Variants in CDH18 observed in about 807,000 individuals in gnomAD.
CDH18 encodes cadherin 18.
A neutral mutation model predicts 67.9 loss-of-function variants in CDH18; 31 were observed. The ratio of observed to expected loss-of-function variants is 0.46; its 90% CI spans 0.34 to 0.62. CDH18 has a LOEUF of 0.62. CDH18 is among the 20% of genes least tolerant of loss of function. The pLI is 0.01. For missense variants in CDH18, 890 were observed against 975.5 expected, an observed-to-expected ratio of 0.91 and a Z score of 1.17; for synonymous variants, 362 against 347.2, an observed-to-expected ratio of 1.04 and a Z score of -0.48.
chr5:20,175,538 G>T (rs1737166483), intron 2 of CDH18, among the ~76,000 whole-genome samples: 1 of 152,026 alleles, frequency 6.6e-6, no homozygotes, highest in Admixed American at 6.6e-5. Context: ...TAGTAGCATT[G>T]CCAGTCTTTT....
rs1486822281 is a variant in CDH18 at position 20,094,161 on chromosome 5, G to A, written c.-517-102147C>T. Among the ~76,000 whole-genome samples, 3 of 152,162 alleles carry A rather than the reference G, an allele frequency of 2.0e-5. No homozygotes were observed. The South Asian group carries it at 6.2e-4, about 32-fold the overall frequency. On this transcript the variant is annotated intron_variant, in intron 2 of 14. Coordinates refer to the CDH18 transcript ENST00000507958. ...TAAGTATCATCACAATAGCAACCTA[G>A]TCTGGAATAAACTAAATCAGTTTCA... is the stretch of plus-strand genomic sequence containing the variant.
At chr5:20,199,899 T>A (rs1739309748) in intron 2 of CDH18, among the ~76,000 whole-genome samples, 1 of 152,150 alleles carries the variant, frequency 6.6e-6, no homozygotes, top group African/African-American at 2.4e-5. Flanking sequence ...TCCTGCTACC[T>A]TGTGATGAAG....
intron 2 of CDH18, among the ~76,000 whole-genome samples, chr5:19,874,019 C>T (rs1786650817): frequency 6.6e-6 from 1 of 152,116 alleles, no homozygotes. Flanking sequence ...CATGTTGCAA[C>T]ACATAATTTG....
At chr5:20,346,388 C>A (rs572772372) in intron 1 of CDH18, among the ~76,000 whole-genome samples, 1 of 152,198 alleles carries the variant, frequency 6.6e-6, no homozygotes, top group South Asian at 2.1e-4. Flanking sequence ...ATTGTTGGTG[C>A]CTTAACAAAC....
chr5:19,833,814 G>C (rs1486601065), intron 3 of CDH18, among the ~76,000 whole-genome samples: 1 of 152,114 alleles, frequency 6.6e-6, no homozygotes, highest in Non-Finnish European at 1.5e-5. Context: ...TTTATGTGAT[G>C]GATTACATTT....
intron 1 of CDH18, among the ~76,000 whole-genome samples, chr5:20,368,570 T>C (rs1004319133): frequency 6.6e-6 from 1 of 152,200 alleles, no homozygotes. Flanking sequence ...TTTATTTTAA[T>C]GTGGCAGTTC....
At chr5:19,626,743 C>G (rs923980455) in intron 5 of CDH18, among the ~76,000 whole-genome samples, 14 of 151,424 alleles carry the variant, frequency 9.2e-5, no homozygotes, top group Admixed American at 7.2e-4. Context: ...CCATATATAG[C>G]AGATTAGTTG....
intron 2 of CDH18, among the ~76,000 whole-genome samples, chr5:20,114,651 A>G (rs893582437): frequency 6.6e-6 from 1 of 152,140 alleles, no homozygotes; most frequent in Non-Finnish European, 1.5e-5. Context: ...TTTTCATGTG[A>G]GGGTATACTC....
At chr5:20,548,258 A>G (rs899386792) in intron 1 of CDH18, among the ~76,000 whole-genome samples, 1 of 151,208 alleles carries the variant, frequency 6.6e-6, no homozygotes, top group Non-Finnish European at 1.5e-5. Context: ...TGTCAAAAAT[A>G]AAAGGTCATC....
chr5:19,497,521 T>C (rs1300851177), intron 11 of CDH18, among the ~76,000 whole-genome samples: 1 of 152,152 alleles, frequency 6.6e-6, no homozygotes, highest in African/African-American at 2.4e-5. Context: ...TTCAGGTGAA[T>C]CATCAGATTC....
intron 1 of CDH18, among the ~76,000 whole-genome samples, chr5:20,447,039 A>G (rs954947669): frequency 6.6e-6 from 1 of 152,312 alleles, no homozygotes; most frequent in Non-Finnish European, 1.5e-5. Context: ...TAGATTTACT[A>G]GATAAAATGT....
intron 1 of CDH18, among the ~76,000 whole-genome samples, chr5:20,552,993 T>C (rs1340833048): frequency 6.6e-6 from 1 of 152,144 alleles, no homozygotes; most frequent in Non-Finnish European, 1.5e-5. Flanking sequence ...GACCTCGTGA[T>C]ACGCCCGCCT....
At chr5:19,685,130 T>G (rs1760895547) in intron 5 of CDH18, among the ~76,000 whole-genome samples, 1 of 152,146 alleles carries the variant, frequency 6.6e-6, no homozygotes, top group Non-Finnish European at 1.5e-5. Flanking sequence ...CAAGGCCCTC[T>G]CAGAAGCAGA....
intron 5 of CDH18, among the ~76,000 whole-genome samples, chr5:19,718,618 T>G (rs1277591950): frequency 6.6e-6 from 1 of 151,954 alleles, no homozygotes; most frequent in African/African-American, 2.4e-5. Context: ...TACTGATAAC[T>G]GTCTAACTCT....
At chr5:19,546,998 A>C (rs2127106647) in intron 8 of CDH18, among the ~76,000 whole-genome samples, 1 of 152,334 alleles carries the variant, frequency 6.6e-6, no homozygotes, top group South Asian at 2.1e-4. Flanking sequence ...TTATTCTGAG[A>C]CACAAAAACC....
chr5:19,767,964 T>C (rs1773300212), intron 3 of CDH18, among the ~76,000 whole-genome samples: 1 of 152,162 alleles, frequency 6.6e-6, no homozygotes, highest in Non-Finnish European at 1.5e-5. Context: ...AGCTTTGAGT[T>C]ATGTTAATTT....
At chr5:20,528,015 G>A (rs1053547157) in intron 1 of CDH18, among the ~76,000 whole-genome samples, 3 of 151,968 alleles carry the variant, frequency 2.0e-5, no homozygotes, top group East Asian at 1.9e-4. Flanking sequence ...TTCAAGAGAC[G>A]TGTCTCACAT....
upstream of CDH18, among the ~76,000 whole-genome samples, chr5:19,988,547 T>C (rs1399189944): frequency 2.0e-5 from 3 of 152,112 alleles, no homozygotes; most frequent in East Asian, 5.8e-4. Flanking sequence ...CCAGATTTCT[T>C]GAAAAATGAC....
intron 2 of CDH18, among the ~76,000 whole-genome samples, chr5:20,214,103 A>C (rs1188903118): frequency 6.6e-6 from 1 of 152,112 alleles, no homozygotes; most frequent in African/African-American, 2.4e-5. Flanking sequence ...CACGAAAAAG[A>C]ATGAAATACC....
Sources: gnomAD v4.1 joint callset for allele counts (sites outside exome capture counted in the v4.1 genomes callset) on GRCh38, gnomAD v4.1.1 for gene constraint, MANE v1.5 for transcripts, NCBI Gene and HGNC (gene_info 2026-07-23, HGNC 2026-07-21) for gene names.